Variants in ADRA1A observed in about 807,000 individuals in gnomAD.
The protein encoded by ADRA1A is adrenoceptor alpha 1A.
In ADRA1A, 31 loss-of-function variants were observed where a neutral mutation model predicts 29.6. That is an observed-to-expected ratio of 1.05 (90% CI 0.79 to 1.41). The LOEUF (loss-of-function observed/expected upper bound fraction) is 1.41. Among genes scored for constraint, ADRA1A ranks in the 40% most tolerant of loss-of-function variants. ADRA1A has a pLI of 0.00. For synonymous variants in ADRA1A, 311 were observed against 254.3 expected, an observed-to-expected ratio of 1.22 and a Z score of -2.12; for missense variants, 619 against 601.1, an observed-to-expected ratio of 1.03 and a Z score of -0.31.
intron 2 of ADRA1A, among the ~76,000 whole-genome samples, chr8:26,750,868 G>A (rs1398601786): frequency 2.6e-5 from 4 of 152,090 alleles, no homozygotes; most frequent in Admixed American, 1.3e-4. Context: ...TCGGGAGTTC[G>A]AGACCAGCCT....
Position 26,797,206 on chromosome 8 carries a change from C to T in ADRA1A, c.884-26540G>A, listed in dbSNP as rs976796550. Among the ~76,000 whole-genome samples, 3 of 152,138 alleles carry T rather than the reference C, an allele frequency of 2.0e-5. No homozygotes were observed. In the South Asian group the frequency reaches 6.2e-4, roughly 32 times the overall value. On this transcript the variant is annotated intron_variant, in intron 2 of 2. Transcript: ENST00000380573. ...CAAAAATGTAGAACAATATTACCCC[C>T]TCACTGTTTTAAATTTGGAAAATCC...
intron 2 of ADRA1A, among the ~76,000 whole-genome samples, chr8:26,777,253 C>T (rs999697043): frequency 3.9e-5 from 6 of 152,176 alleles, no homozygotes; most frequent in Admixed American, 3.9e-4. Context: ...TCAGAATAAC[C>T]ATGGACAGTA....
intron 2 of ADRA1A, among the ~76,000 whole-genome samples, chr8:26,827,824 AG>A: frequency 6.6e-6 from 1 of 152,176 alleles, no homozygotes; most frequent in East Asian, 1.9e-4. Context: ...AAATTTGGGG[AG>A]GGGTGGACAC....
intron 2 of ADRA1A, among the ~76,000 whole-genome samples, chr8:26,828,604 A>T (rs921530920): frequency 2.0e-5 from 3 of 152,186 alleles, no homozygotes; most frequent in Non-Finnish European, 4.4e-5. Context: ...GATGCCGAGG[A>T]CTGATTTTGT....
chr8:26,812,440 C>G (rs866719040), intron 2 of ADRA1A, among the ~76,000 whole-genome samples: 1 of 152,048 alleles, frequency 6.6e-6, no homozygotes, highest in Non-Finnish European at 1.5e-5. Flanking sequence ...ACACTACTTT[C>G]TTAAGGATAT....
At chr8:26,791,050 GA>G (rs1413262691) in intron 2 of ADRA1A, among the ~76,000 whole-genome samples, 1 of 152,008 alleles carries the variant, frequency 6.6e-6, no homozygotes, top group Non-Finnish European at 1.5e-5. Context: ...CTACAATCTA[GA>G]AATAAGACCA....
rs1301266457 is a variant in ADRA1A, at chr8:26,787,090, G to A, written c.884-16424C>T. 6.6e-6 allele frequency among the ~76,000 whole-genome samples: 1 copy of A among 152,102 alleles called. No individual in the cohort carries two copies. The highest frequency in any genetic ancestry group is 1.5e-5 in the Non-Finnish European group (1 of 68,028). ...TTAAGGAGTTTAATTTGCAACTAAG[G>A]AAAATAGCTGAGCTCAGATTCAAAT... On this transcript the variant is annotated intron_variant, in intron 2 of 2. Coordinates refer to ENST00000380573, the MANE Select transcript of ADRA1A (RefSeq NM_000680.4). The surrounding 1 kb of genome is among the most constrained non-coding windows in gnomAD (Gnocchi z 4.2).
At chr8:26,767,347 T>A (rs1805845672), downstream of ADRA1A, among the ~76,000 whole-genome samples, 1 of 93,586 alleles carries the variant, frequency 1.1e-5, no homozygotes, top group South Asian at 3.9e-4. Context: ...ATTTTAGATA[T>A]TTTTTGGCAT....
At chr8:26,779,794 T>C (rs1329582103) in intron 2 of ADRA1A, among the ~76,000 whole-genome samples, 2 of 152,192 alleles carry the variant, frequency 1.3e-5, no homozygotes, top group Non-Finnish European at 2.9e-5. Context: ...GCTCTATTCC[T>C]GCTTGGAGCA....
At chr8:26,801,224 G>A (rs115612864) in intron 2 of ADRA1A, among the ~76,000 whole-genome samples, 2,628 of 152,188 alleles carry the variant, frequency 0.017, 64 homozygotes, top group African/African-American at 0.057. Context: ...AACAAGACAA[G>A]CATGTTCACT....
At chr8:26,755,809 A>T (rs1196994298), downstream of ADRA1A, among the ~76,000 whole-genome samples, 1 of 152,148 alleles carries the variant, frequency 6.6e-6, no homozygotes, top group African/African-American at 2.4e-5. Context: ...CCCACACTGA[A>T]TATTATAGAG....
At chr8:26,762,297 A>G (rs539461779), downstream of ADRA1A, among the ~76,000 whole-genome samples, 28 of 152,254 alleles carry the variant, frequency 1.8e-4, no homozygotes, top group African/African-American at 6.5e-4. The surrounding 1 kb of genome is among the most constrained non-coding windows in gnomAD (Gnocchi z 4.0). Flanking sequence ...GTGTAAGAAC[A>G]GGAAGGCAGC....
Position 26,796,559 on chromosome 8 carries a change from C to T in ADRA1A, c.884-25893G>A, listed in dbSNP as rs957912593. On this transcript the variant is annotated intron_variant, in intron 2 of 2. Coordinates refer to ENST00000380573, the MANE Select transcript of ADRA1A (RefSeq NM_000680.4). This position sits in a 1 kb window ranked among gnomAD's most constrained non-coding sequence, Gnocchi z 5.0. Reference sequence around the variant, plus strand: ...TATGGTAATTCACAGCCTACAGTACCGTGAAGACAAGGAGGAAAGATTCGA... The same window carrying T: ...TATGGTAATTCACAGCCTACAGTACTGTGAAGACAAGGAGGAAAGATTCGA... Among the ~76,000 whole-genome samples, 71 of 152,128 alleles carry T rather than the reference C, an allele frequency of 4.7e-4. No homozygotes were observed. The highest frequency in any genetic ancestry group is 1.6e-3 in the African/African-American group (66 of 41,502).
At position 26,770,452 on chromosome 8, in the gene ADRA1A, G is replaced by A. The variant is rs373906244; in HGVS notation, c.1098C>T (p.Ala366=). The A allele has an allele frequency of 9.3e-6, 15 of 1,614,174 alleles. No individual in the cohort carries two copies. The highest frequency in any genetic ancestry group is 3.3e-5 in the Admixed American group (2 of 60,024). ...LGYTLHPPSQ[A]VEGQHKDMVR... ...CCATGTCCTTGTGTTGCCCTTCCACGGCCTGGCTGGGCGGGTGCAGGGTGT... is the reference window on the plus strand; with the variant it reads ...CCATGTCCTTGTGTTGCCCTTCCACAGCCTGGCTGGGCGGGTGCAGGGTGT... The change falls in exon 3 of 3, where the codon GCC becomes GCT. Residue 366 remains alanine, a synonymous_variant. Transcript: ENST00000380573.
chr8:26,814,812 AT>A (rs1356111107), intron 2 of ADRA1A, among the ~76,000 whole-genome samples: 1 of 152,132 alleles, frequency 6.6e-6, no homozygotes, highest in Non-Finnish European at 1.5e-5. Flanking sequence ...GCTGTGCTGA[AT>A]TTTTAGTACT....
At position 26,866,690 on chromosome 8, in the gene ADRA1A, A is replaced by G. The variant is rs1813926790; in HGVS notation, c.-687+246T>C. Among the ~76,000 whole-genome samples the G allele has an allele frequency of 6.6e-6, 1 of 152,182 alleles. No homozygotes were observed. The highest frequency in any genetic ancestry group is 1.5e-5 in the Non-Finnish European group (1 of 68,030). ...TCACAGGTGGTATTAAAAACGTGCC[A>G]CTGCAGAAACCCTTTTCCTCCTACC... On this transcript the variant is annotated intron_variant, in intron 1 of 2. Coordinates refer to ENST00000380573, the MANE Select transcript of ADRA1A (RefSeq NM_000680.4). The surrounding 1 kb of genome is among the most constrained non-coding windows in gnomAD (Gnocchi z 5.7).
At chr8:26,791,482 C>T (rs116303256) in intron 2 of ADRA1A, among the ~76,000 whole-genome samples, 3,143 of 152,142 alleles carry the variant, frequency 0.021, 100 homozygotes, top group African/African-American at 0.069. Flanking sequence ...TTATGAGTGC[C>T]CACTGGGTGC....
Position 26,821,148 on chromosome 8 carries a change from G to A in ADRA1A, c.883+42939C>T, listed in dbSNP as rs1044910829. On this transcript the variant is annotated intron_variant, in intron 2 of 2. Coordinates refer to ENST00000380573, the MANE Select transcript of ADRA1A (RefSeq NM_000680.4). This position sits in a 1 kb window ranked among gnomAD's most constrained non-coding sequence, Gnocchi z 5.6. ...CAGGTGATCCACCCACCTTGGCCTC[G>A]CAAAGTGCTGGGATTACAGGCATGA... Among the ~76,000 whole-genome samples, 2 of 151,978 alleles carry A rather than the reference G, an allele frequency of 1.3e-5. No individual in the cohort carries two copies. The highest frequency in any genetic ancestry group is 2.4e-5 in the African/African-American group (1 of 41,380).
chr8:26,763,254 G>C (rs767705604), downstream of ADRA1A, among the ~76,000 whole-genome samples: 12 of 152,194 alleles, frequency 7.9e-5, no homozygotes, highest in South Asian at 2.1e-4. The surrounding 1 kb of genome is among the most constrained non-coding windows in gnomAD (Gnocchi z 4.5). Context: ...AAGGAGCCAA[G>C]TGTGGCCCTG....
Sources: allele counts gnomAD v4.1 joint callset (sites outside exome capture counted in the v4.1 genomes callset), GRCh38; gene constraint gnomAD v4.1.1; non-coding constraint Gnocchi (gnomAD v3.1); transcripts MANE v1.5; gene names NCBI Gene and HGNC (gene_info 2026-07-23, HGNC 2026-07-21).